The following GALNT13 variants were observed in gnomAD, a reference collection of about 807,000 sequenced individuals.
GALNT13 encodes the protein polypeptide N-acetylgalactosaminyltransferase 13.
Under a neutral mutation model 64.2 loss-of-function variants are expected in GALNT13, and 28 were observed. That is an observed-to-expected ratio of 0.44 (90% confidence interval 0.32 to 0.60). The LOEUF (loss-of-function observed/expected upper bound fraction) is 0.60, where lower values mean the gene tolerates loss of function less well. Ranked by LOEUF, GALNT13 falls within the 20% of genes least tolerant of loss-of-function variation. GALNT13 has a pLI of 0.05. For missense variants in GALNT13, 577 were observed against 669.8 expected, an observed-to-expected ratio of 0.86 and a Z score of 1.53; for synonymous variants, 214 against 224.6, an observed-to-expected ratio of 0.95 and a Z score of 0.42.
Position 153,998,721 on chromosome 2 carries a change from A to G in GALNT13, c.142+54082A>G, listed in dbSNP as rs191678149. Among the ~76,000 whole-genome samples, 601 of 152,258 alleles carry G rather than the reference A, an allele frequency of 3.9e-3. 3 individuals carry two copies. The highest frequency in any genetic ancestry group is 6.7e-3 in the Non-Finnish European group (456 of 68,010). On this transcript the variant is annotated intron_variant, in intron 3 of 12. Coordinates refer to ENST00000392825, the MANE Select transcript of GALNT13 (RefSeq NM_052917.4). ...AGTCATGAAATCTTTGCCCATGCCT[A>G]TGTCCTGAATGGTATTGCCTAGGGT...
chr2:154,269,904 GTGTA>G (rs1410170578), intron 8 of GALNT13, among the ~76,000 whole-genome samples: 1 of 13,168 alleles, frequency 7.6e-5, no homozygotes, highest in Non-Finnish European at 5.0e-4. Context: ...TTATATATAT[GTGTA>G]TATATATATA....
the GALNT13 span, among the ~76,000 whole-genome samples, chr2:153,724,123 C>G: frequency 3.6e-5 from 5 of 137,990 alleles, no homozygotes; most frequent in Admixed American, 3.6e-4. Flanking sequence ...ATCAATGGAA[C>G]AGAACAGAGC....
At chr2:153,481,936 A>G in the GALNT13 span, among the ~76,000 whole-genome samples, 1 of 152,334 alleles carries the variant, frequency 6.6e-6, no homozygotes, top group African/African-American at 2.4e-5. Context: ...TAAAAAATAA[A>G]TTACATTATA....
chr2:154,217,268 T>G (rs1688096710), intron 4 of GALNT13, among the ~76,000 whole-genome samples: 1 of 152,108 alleles, frequency 6.6e-6, no homozygotes, highest in Admixed American at 6.6e-5. Context: ...AGCAATGAAA[T>G]TCTCATTATT....
intron 3 of GALNT13, among the ~76,000 whole-genome samples, chr2:154,131,975 A>G (rs553571250): frequency 6.6e-6 from 1 of 152,190 alleles, no homozygotes; most frequent in Non-Finnish European, 1.5e-5. Context: ...CATCCAGTAC[A>G]GGAGAAAGAT....
At chr2:153,217,475 GAT>G in the GALNT13 span, among the ~76,000 whole-genome samples, 1 of 152,022 alleles carries the variant, frequency 6.6e-6, no homozygotes, top group Non-Finnish European at 1.5e-5. Context: ...TAGATGGTTT[GAT>G]AGTGTCCCAA....
the GALNT13 span, among the ~76,000 whole-genome samples, chr2:153,736,512 A>G: frequency 6.6e-6 from 1 of 152,162 alleles, no homozygotes; most frequent in African/African-American, 2.4e-5. Flanking sequence ...TGTTATTGGT[A>G]TATTGCAGTT....
At chr2:153,735,404 G>A in the GALNT13 span, among the ~76,000 whole-genome samples, 2 of 151,908 alleles carry the variant, frequency 1.3e-5, no homozygotes, top group Non-Finnish European at 2.9e-5. Context: ...CTTTTTAAGG[G>A]GTTGCAATGA....
intron 3 of GALNT13, among the ~76,000 whole-genome samples, chr2:154,006,120 T>C (rs1696234024): frequency 6.6e-6 from 1 of 152,192 alleles, no homozygotes; most frequent in Non-Finnish European, 1.5e-5. Flanking sequence ...GCTGAACATA[T>C]ATTTTTTCAC....
chr2:153,537,959 A>G, the GALNT13 span, among the ~76,000 whole-genome samples: 49 of 152,314 alleles, frequency 3.2e-4, no homozygotes, highest in African/African-American at 1.2e-3. Context: ...TGGTACCAGA[A>G]GTGGATTGCT....
chr2:153,423,936 G>A, the GALNT13 span, among the ~76,000 whole-genome samples: 1 of 151,292 alleles, frequency 6.6e-6, no homozygotes, highest in Non-Finnish European at 1.5e-5. Context: ...ACTATAAAGT[G>A]CCTAAAACAG....
the GALNT13 span, among the ~76,000 whole-genome samples, chr2:153,652,354 C>T: frequency 5.9e-5 from 9 of 152,266 alleles, no homozygotes; most frequent in Admixed American, 5.9e-4. Flanking sequence ...CAGACGGTGA[C>T]TCATGCCTGT....
At chr2:154,321,692 C>T (rs189130121) in intron 9 of GALNT13, among the ~76,000 whole-genome samples, 6 of 151,840 alleles carry the variant, frequency 4.0e-5, no homozygotes, top group African/African-American at 1.4e-4. Flanking sequence ...CTGAGACACA[C>T]TAAAGACTTA....
chr2:153,740,182 T>G, the GALNT13 span, among the ~76,000 whole-genome samples: 2,120 of 152,088 alleles, frequency 0.014, 54 homozygotes, highest in African/African-American at 0.048. Context: ...AAATATATTT[T>G]CAACCTGGTT....
intron 9 of GALNT13, among the ~76,000 whole-genome samples, chr2:154,371,815 T>A (rs1337769385): frequency 6.6e-6 from 1 of 150,916 alleles, no homozygotes; most frequent in African/African-American, 2.4e-5. Context: ...GAAACATTAG[T>A]CTTGGAGTCA....
the GALNT13 span, among the ~76,000 whole-genome samples, chr2:153,484,506 T>C: frequency 1.3e-5 from 2 of 152,340 alleles, no homozygotes; most frequent in East Asian, 1.9e-4. Flanking sequence ...TAAAAACTAT[T>C]ATTTTTACAG....
chr2:154,426,654 A>C (rs1574285387), intron 11 of GALNT13, among the ~76,000 whole-genome samples: 1 of 152,242 alleles, frequency 6.6e-6, no homozygotes, highest in South Asian at 2.1e-4. Context: ...TATAAATTAG[A>C]TTTCCCAAAT....
chr2:153,420,784 C>G, the GALNT13 span: 5 of 234,118 alleles, frequency 2.1e-5, no homozygotes, highest in South Asian at 3.5e-4. Context: ...CCCATCTCCT[C>G]ACCCATTTCC....
At chr2:153,986,672 T>C (rs1311679216) in intron 3 of GALNT13, among the ~76,000 whole-genome samples, 1 of 151,968 alleles carries the variant, frequency 6.6e-6, no homozygotes, top group African/African-American at 2.4e-5. Flanking sequence ...TCTGTACTAG[T>C]GCTTTAACTA....
Sources: gnomAD v4.1 joint callset for allele counts (sites outside exome capture counted in the v4.1 genomes callset) on GRCh38, gnomAD v4.1.1 for gene constraint, MANE v1.5 for transcripts, NCBI Gene and HGNC (gene_info 2026-07-23, HGNC 2026-07-21) for gene names.